The following DCST1 variants were observed in gnomAD, a reference collection of about 807,000 sequenced individuals.
DCST1 encodes the protein E3 ubiquitin-protein ligase DCST1.
In DCST1, 78 loss-of-function variants were observed where a neutral mutation model predicts 89.1. That is an observed-to-expected ratio of 0.88 (90% CI 0.73 to 1.06). DCST1 has a LOEUF of 1.06. Ranked by LOEUF, DCST1 falls within the 50% of genes least tolerant of loss-of-function variation. The probability of loss-of-function intolerance (pLI) is 0.00; values close to 1 mark genes in which losing one functional copy is unlikely to be tolerated. For synonymous variants in DCST1, 364 were observed against 371.9 expected (o/e 0.98, Z 0.24); for missense variants, 900 against 928.6 (o/e 0.97, Z 0.40).
At chr1:155,039,603 C>A in intron 5 of DCST1, 72 bp downstream of exon 5, 2 of 1,450,534 alleles carry the variant, frequency 1.4e-6, no homozygotes, top group Non-Finnish European at 1.8e-6. Context: ...GGAGCCAGGC[C>A]GGGTGAAGGA....
rs866158109 is a variant in DCST1, at chr1:155,041,526, G to A, written c.661G>A (p.Gly221Ser). 1 of 1,614,028 alleles carries A rather than the reference G, an allele frequency of 6.2e-7. No homozygotes were observed. The highest frequency in any genetic ancestry group is 8.5e-7 in the Non-Finnish European group (1 of 1,180,038). The change falls in exon 7 of 17, where the codon GGC becomes AGC. Residue 221 changes from glycine to serine, a missense_variant. By Grantham distance (56) the Gly-to-Ser change is moderately conservative (BLOSUM62 0). Transcript: ENST00000295542. ...DTMDSGETAQ[G>S]REARQAPASR... Reference sequence around the variant, plus strand: ...CATGGACTCAGGGGAGACAGCCCAGGGCAGGGAGGCCCGCCAAGCCCCAGC... The same window carrying A: ...CATGGACTCAGGGGAGACAGCCCAGAGCAGGGAGGCCCGCCAAGCCCCAGC...
intron 4 of DCST1, chr1:155,035,048 T>C: frequency 3.3e-6 from 1 of 302,008 alleles, no homozygotes; most frequent in Admixed American, 5.3e-5. Flanking sequence ...TCCTAAGAAA[T>C]TAAATTCATT....
rs558901581 is a variant in DCST1 at position 155,047,894 on chromosome 1, C to T, written c.1720C>T (p.Leu574Phe). The change falls in exon 15 of 17, where the codon CTC becomes TTC. Residue 574 changes from leucine (L) to phenylalanine (F), a missense_variant. Physicochemically the swap from Leu to Phe is conservative, Grantham distance 22. Transcript: ENST00000295542. ...CCTGTTACAGGCTTTTGGCTACCGA[C>T]TCCGGAGGGTCATCGCAGCCTTCTA... ...LCLLQAFGYR[L>F]RRVIAAFYFP... is the part of the protein sequence containing the mutation. 1.6e-4 allele frequency: 265 copies of T among 1,614,182 alleles called. 2 individuals are homozygous for T. The South Asian group carries it at 2.8e-3, about 17-fold the overall frequency.
rs772906459 is a variant in DCST1, at chr1:155,040,594, C to T, written c.501C>T (p.Ala167=). 5.2e-5 allele frequency: 83 copies of T among 1,583,534 alleles called. No individual in the cohort carries two copies. The highest frequency in any genetic ancestry group is 8.1e-5 in the South Asian group (7 of 86,894). ...NTRAAWRIST[A]PLRAMFKDLL... is the part of the protein sequence containing the mutation. ...GCGCAGCTTGGCGCATCTCCACAGC[C>T]CCCTTACGGGCCATGTTCAAGGACC... The change falls in exon 6 of 17, where the codon GCC becomes GCT. Residue 167 remains alanine, a synonymous_variant. Transcript: ENST00000295542.
At position 155,042,716 on chromosome 1, in the gene DCST1, C is replaced by T. The variant is rs1309967200; in HGVS notation, c.893-19C>T. The T allele has an allele frequency of 1.2e-5, 19 of 1,613,806 alleles. No homozygotes were observed. The highest frequency in any genetic ancestry group is 1.5e-5 in the Non-Finnish European group (18 of 1,180,008). ...GGACAGGCCCGGGGAGGCCCCTGAC[C>T]CCGTCCACTGTTCACCAGTGATGGA... On this transcript the variant is annotated intron_variant, in intron 8 of 16. Transcript: ENST00000295542.
rs895808397 is a variant in DCST1, at chr1:155,034,504, A to G, written c.131A>G (p.Glu44Gly). Residue 44 changes from glutamate (E) to glycine (G), a missense_variant, in exon 3 of 17, where the codon GAG becomes GGG. Glu to Gly is a moderately conservative substitution (Grantham distance 98, BLOSUM62 -2). Transcript: ENST00000295542. ...CSWFLWRQPG[E>G]FPVTALLLGA... is the part of the protein sequence containing the mutation. ...TGGTTCCTGTGGCGCCAGCCGGGCG[A>G]GTTTCCTGTCACTGCTCTCCTGCTG... The G allele has an allele frequency of 6.2e-7, 1 of 1,613,558 alleles. No individual in the cohort carries two copies. Among genetic ancestry groups the G allele is most frequent in the Non-Finnish European group, 8.5e-7 (1 of 1,179,848 alleles).
intron 9 of DCST1, among the ~76,000 whole-genome samples, chr1:155,043,134 C>T (rs1181168650): frequency 6.6e-6 from 1 of 152,094 alleles, no homozygotes; most frequent in African/African-American, 2.4e-5. Context: ...GGGGTGGGAG[C>T]TATCAGCCAG....
At position 155,036,047 on chromosome 1, in the gene DCST1, C is replaced by CAA. The variant is rs11445380; in HGVS notation, c.262+1343_262+1344dup. ...TAGGTGACAGAGTGAAACTCTGTCT[C>CAA]AAAAAAAAAAAAAAAAAAAAAAAAG... On this transcript the variant is annotated intron_variant, in intron 4 of 16. Transcript: ENST00000295542. Among the ~76,000 whole-genome samples, 147 of 70,908 alleles carry CAA rather than the reference C, an allele frequency of 2.1e-3. 1 individual carries two copies. The highest frequency in any genetic ancestry group is 5.6e-3 in the African/African-American group (105 of 18,626). The allele number at this position is 70,908 out of a possible 152,430, so 46.5% of individuals were successfully genotyped here. A position where few individuals can be genotyped will look rare whatever the true frequency, so the allele number is the denominator to read the frequency against.
At position 155,034,001 on chromosome 1, in the gene DCST1, G is replaced by C. The variant is rs1660188498; in HGVS notation, c.-36G>C. On this transcript the variant is annotated 5_prime_UTR_variant, in exon 2 of 17. Transcript: ENST00000295542. ...TTGTGTCCAAGGAGGTCCTTCAGGA[G>C]ACCTGGGATGAGTGGTGCTTCCCCA... The C allele has an allele frequency of 6.2e-7, 1 of 1,613,682 alleles. No homozygotes were observed. Among genetic ancestry groups the C allele is most frequent in the African/African-American group, 1.3e-5 (1 of 75,022 alleles).
intron 4 of DCST1, 193 bp downstream of exon 4, chr1:155,034,920 G>A: frequency 1.6e-6 from 1 of 620,888 alleles, no homozygotes; most frequent in South Asian, 1.9e-5. Context: ...CACCGTCCTT[G>A]CCCTGAGGGA....
chr1:155,036,438 G>A (rs949039954), intron 4 of DCST1, among the ~76,000 whole-genome samples: 4 of 152,132 alleles, frequency 2.6e-5, no homozygotes, highest in African/African-American at 9.7e-5. Context: ...CTCTACATCA[G>A]ACTTTTAACC....
At chr1:155,046,507 C>T (rs778259333) in intron 13 of DCST1, 21 bp downstream of exon 13, 3 of 1,612,458 alleles carry the variant, frequency 1.9e-6, no homozygotes, top group African/African-American at 1.3e-5. Context: ...CCCCCAGACA[C>T]ATTCCAGGCC....
intron 1 of DCST1, 54 bp downstream of exon 1, chr1:155,033,908 A>G (rs375175713): frequency 3.7e-6 from 5 of 1,337,066 alleles, no homozygotes; most frequent in East Asian, 4.7e-5. Context: ...TAAAAGGCCC[A>G]GAGCTCAGGC....
intron 16 of DCST1, among the ~76,000 whole-genome samples, chr1:155,049,737 G>A (rs931340284): frequency 1.3e-5 from 2 of 152,042 alleles, no homozygotes; most frequent in Non-Finnish European, 2.9e-5. Flanking sequence ...GATACCCCCA[G>A]CCCCCATGAC....
chr1:155,049,478 G>A (rs1660789678), intron 16 of DCST1, among the ~76,000 whole-genome samples: 1 of 150,658 alleles, frequency 6.6e-6, no homozygotes, highest in African/African-American at 2.5e-5. Context: ...GCAGTGGCGT[G>A]ATCTTGGCTC....
At chr1:155,034,889 C>A in intron 4 of DCST1, 162 bp downstream of exon 4, 1 of 720,096 alleles carries the variant, frequency 1.4e-6, no homozygotes, top group Non-Finnish European at 2.3e-6. Flanking sequence ...AGGGAAGAGG[C>A]TGCCAATTTA....
chr1:155,041,876 G>A lies in DCST1; in HGVS notation c.892+19G>A. 6.2e-7 allele frequency: 1 copy of A among 1,613,990 alleles called. No individual in the cohort carries two copies. ...GCCAAGGGTCTGCACAGTTGCAAAG[G>A]GGTGGGGAGCATCGGGGTAGGGAGC... is the stretch of plus-strand genomic sequence containing the variant. On this transcript the variant is annotated intron_variant, in intron 8 of 16. Coordinates refer to ENST00000295542, the MANE Select transcript of DCST1 (RefSeq NM_152494.4).
chr1:155,050,669 G>A lies in DCST1; in HGVS notation c.1922G>A (p.Trp641Ter). 1.2e-6 allele frequency: 2 copies of A among 1,601,388 alleles called. No individual in the cohort carries two copies. Among genetic ancestry groups the A allele is most frequent in the Non-Finnish European group, 1.7e-6 (2 of 1,176,128 alleles). ...LHRGCPLLRRWLCRRCVVCQA... is the reference protein window; with the variant it reads ...LHRGCPLLRR ...CGCGGCTGCCCGCTCCTGCGCCGCT[G>A]GCTGTGCCGGCGCTGCGTGGTGTGC... The change falls in exon 17 of 17, where the codon TGG becomes TAG. Residue 641 changes from tryptophan to a stop codon, truncating the protein, a stop_gained. Transcript: ENST00000295542. LOFTEE classifies it high-confidence loss of function.
At chr1:155,042,359 A>G (rs1286195174) in intron 8 of DCST1, among the ~76,000 whole-genome samples, 1 of 152,152 alleles carries the variant, frequency 6.6e-6, no homozygotes, top group South Asian at 2.1e-4. Flanking sequence ...TCAGCCTCCC[A>G]AAGTGCTGGG....
Sources: allele counts gnomAD v4.1 joint callset (sites outside exome capture counted in the v4.1 genomes callset), GRCh38; gene constraint gnomAD v4.1.1; transcripts MANE v1.5; gene names NCBI Gene and HGNC (gene_info 2026-07-23, HGNC 2026-07-21).